CCDC33: variants seen among roughly 807,000 people sequenced by gnomAD.
CCDC33 encodes the protein coiled-coil domain containing 33.
In CCDC33, 94 loss-of-function variants were observed where a neutral mutation model predicts 91.9. That is an observed-to-expected ratio of 1.02 (90% confidence interval 0.87 to 1.21). CCDC33 has a LOEUF of 1.21. Ranked by LOEUF, CCDC33 falls within the 50% of genes most tolerant of loss-of-function variation. The pLI is 0.00. For missense variants in CCDC33, 940 were observed against 935.5 expected, an observed-to-expected ratio of 1.00 and a Z score of -0.06; for synonymous variants, 396 against 374.5, an observed-to-expected ratio of 1.06 and a Z score of -0.66.
chr15:74,296,753 G>A (rs981395369), intron 11 of CCDC33, among the ~76,000 whole-genome samples: 4 of 152,200 alleles, frequency 2.6e-5, no homozygotes, highest in Non-Finnish European at 4.4e-5. Flanking sequence ...GGCTGGTGGA[G>A]GTGGCCAAAG....
At chr15:74,267,127 G>A (rs1247316106) in intron 4 of CCDC33, among the ~76,000 whole-genome samples, 2 of 152,180 alleles carry the variant, frequency 1.3e-5, no homozygotes, top group African/African-American at 2.4e-5. Context: ...CCGAGTACCC[G>A]CTGCTTGCAC....
intron 2 of CCDC33, among the ~76,000 whole-genome samples, chr15:74,249,315 T>C (rs1438758528): frequency 6.6e-6 from 1 of 151,584 alleles, no homozygotes; most frequent in Non-Finnish European, 1.5e-5. Flanking sequence ...TGAAACCCCG[T>C]CTCTACTAAA....
At chr15:74,318,576 T>G (rs2060141158) in intron 11 of CCDC33, 1 of 723,884 alleles carries the variant, frequency 1.4e-6, no homozygotes, top group East Asian at 2.7e-5. Context: ...GGAACAGGAC[T>G]GCTAGCAGTA....
chr15:74,280,838 C>T, intron 9 of CCDC33, 37 bp downstream of exon 9: 1 of 1,414,596 alleles, frequency 7.1e-7, no homozygotes, highest in Non-Finnish European at 9.3e-7. Context: ...CCTAGCGTGC[C>T]CACCTGGCCC....
At chr15:74,263,603 G>A (rs779225161) in intron 3 of CCDC33, among the ~76,000 whole-genome samples, 13 of 152,220 alleles carry the variant, frequency 8.5e-5, no homozygotes, top group Admixed American at 7.2e-4. Flanking sequence ...GGAGCTGTTG[G>A]GATGCTTTAA....
At chr15:74,264,801 A>G (rs2076125477) in intron 3 of CCDC33, among the ~76,000 whole-genome samples, 1 of 152,252 alleles carries the variant, frequency 6.6e-6, no homozygotes, top group Non-Finnish European at 1.5e-5. Context: ...CAACAACCCA[A>G]GGGGAGAGAC....
chr15:74,210,238 G>A (rs904873190), intron 2 of CCDC33, among the ~76,000 whole-genome samples: 3 of 152,212 alleles, frequency 2.0e-5, no homozygotes, highest in African/African-American at 7.2e-5. Context: ...TATATATGGA[G>A]ACAAAATTCC....
chr15:74,251,470 T>A (rs1288001725), intron 2 of CCDC33, among the ~76,000 whole-genome samples: 1 of 152,244 alleles, frequency 6.6e-6, no homozygotes, highest in African/African-American at 2.4e-5. Context: ...CCTGTGGGGT[T>A]CTGACCCTTG....
At chr15:74,208,074 G>C (rs192575050) in intron 1 of CCDC33, 1 of 1,239,728 alleles carries the variant, frequency 8.1e-7, no homozygotes, top group Non-Finnish European at 1.0e-6. Context: ...AGACCAGGCT[G>C]TTCTGGTATG....
chr15:74,312,845 C>T (rs1051011470), intron 11 of CCDC33, among the ~76,000 whole-genome samples: 1 of 152,158 alleles, frequency 6.6e-6, no homozygotes, highest in Non-Finnish European at 1.5e-5. Flanking sequence ...CCTCAACACC[C>T]ACAGCCTCTC....
chr15:74,281,544 ATCTC>A (rs2059363938), intron 9 of CCDC33, among the ~76,000 whole-genome samples: 1 of 152,220 alleles, frequency 6.6e-6, no homozygotes, highest in African/African-American at 2.4e-5. Flanking sequence ...ATGAATGAGA[ATCTC>A]TCTGTCAGAT....
chr15:74,321,793 T>C (rs564157792), intron 11 of CCDC33, among the ~76,000 whole-genome samples: 3 of 152,334 alleles, frequency 2.0e-5, no homozygotes, highest in African/African-American at 4.8e-5. Context: ...ACAGGAGTTC[T>C]GTTTGGCAAA....
chr15:74,319,721 T>G (rs2060166991), intron 11 of CCDC33: 1 of 152,330 alleles, frequency 6.6e-6, no homozygotes, highest in Non-Finnish European at 1.5e-5. Context: ...GAAGCCAGCA[T>G]CTTCCAGGAA....
chr15:74,237,766 G>A (rs543958354), intron 1 of CCDC33, among the ~76,000 whole-genome samples: 11 of 152,336 alleles, frequency 7.2e-5, no homozygotes, highest in Admixed American at 7.2e-4. Flanking sequence ...TGGGGAGTGT[G>A]CGTGGGAGTC....
chr15:74,282,113 C>G (rs2059379862), intron 10 of CCDC33, among the ~76,000 whole-genome samples: 1 of 152,180 alleles, frequency 6.6e-6, no homozygotes, highest in Non-Finnish European at 1.5e-5. Context: ...TCACTGGGAT[C>G]GAGGTTCTGC....
chr15:74,307,717 A>G (rs1368592154), intron 11 of CCDC33, among the ~76,000 whole-genome samples: 1 of 103,340 alleles, frequency 9.7e-6, no homozygotes, highest in African/African-American at 3.6e-5. Context: ...CAAGGCCTAC[A>G]TACCATATGT....
intron 8 of CCDC33, 38 bp from the exon 9 acceptor site, chr15:74,280,630 G>A (rs766157889): frequency 7.0e-7 from 1 of 1,433,224 alleles, no homozygotes. Context: ...CCGAGGTGGG[G>A]GCTTTGGCAG....
At chr15:74,223,365 C>T (rs1436518320) in intron 2 of CCDC33, among the ~76,000 whole-genome samples, 1 of 152,166 alleles carries the variant, frequency 6.6e-6, no homozygotes, top group Non-Finnish European at 1.5e-5. Flanking sequence ...CAGCCCCTCC[C>T]AGGCTGATGT....
rs142729884 is a variant in CCDC33 at position 74,210,283 on chromosome 15, C to T, written n.236+749C>T. ...TTGTAATGGCAAAAATAATTGGCAA[C>T]AACCCCAATATCCATCCATCAATGC... On this transcript the variant is annotated intron_variant and non_coding_transcript_variant, in intron 2 of 3. Coordinates refer to the CCDC33 transcript ENST00000558645. 3.9e-4 allele frequency among the ~76,000 whole-genome samples: 59 copies of T among 152,304 alleles called. No individual in the cohort carries two copies. The South Asian group carries it at 5.8e-3, about 15-fold the overall frequency.
Sources: gnomAD v4.1 joint callset for allele counts (sites outside exome capture counted in the v4.1 genomes callset) on GRCh38, gnomAD v4.1.1 for gene constraint, MANE v1.5 for transcripts, NCBI Gene and HGNC (gene_info 2026-07-23, HGNC 2026-07-21) for gene names.